DYNLT2: variants seen among roughly 807,000 people sequenced by gnomAD.
DYNLT2 encodes dynein light chain Tctex-type 2.
A neutral mutation model predicts 24.3 loss-of-function variants in DYNLT2; 24 were observed. The ratio of observed to expected loss-of-function variants is 0.99; its 90% confidence interval spans 0.71 to 1.39. DYNLT2 has a LOEUF of 1.39. Ranked by LOEUF, DYNLT2 falls within the 40% of genes most tolerant of loss-of-function variation. The pLI is 0.00. For missense variants in DYNLT2, 246 were observed against 234.5 expected, an observed-to-expected ratio of 1.05 and a Z score of -0.32; for synonymous variants, 85 against 85.4, an observed-to-expected ratio of 1.00 and a Z score of 0.03.
At chr6:169,743,998 G>T in intron 2 of DYNLT2, 70 bp downstream of exon 2, 1 of 1,432,438 alleles carries the variant, frequency 7.0e-7, no homozygotes, top group Non-Finnish European at 9.6e-7. Flanking sequence ...AAATTTCTTC[G>T]TATATATAAT....
chr6:169,751,350 C>A lies in DYNLT2; in HGVS notation c.109G>T (p.Glu37Ter). 7.4e-6 allele frequency: 12 copies of A among 1,613,922 alleles called. No individual in the cohort carries two copies. The highest frequency in any genetic ancestry group is 1.0e-5 in the Non-Finnish European group (12 of 1,179,940). Residue 37 changes from glutamate to a stop codon, truncating the protein, a stop_gained, in exon 1 of 4, where the codon GAG becomes TAG. Coordinates refer to ENST00000366774, the MANE Select transcript of DYNLT2 (RefSeq NM_174910.3). LOFTEE classifies it high-confidence loss of function. Reference sequence around the variant, plus strand: ...GTCTCCGCACTCACTGCCTCCTTCTCGAACATGCTAGGCCTCCTTTCTTTC... The same window carrying A: ...GTCTCCGCACTCACTGCCTCCTTCTAGAACATGCTAGGCCTCCTTTCTTTC... The part of the protein sequence containing the change: ...PRKERRPSMF[E>*]KEAYTQILRE...
the DYNLT2 span, chr6:169,725,634 T>G: frequency 2.7e-4 from 51 of 185,614 alleles, 1 homozygote; most frequent in Admixed American, 1.6e-3. Context: ...AGTTTAGCGG[T>G]TTTTTTTTTA....
At chr6:169,737,957 T>C (rs1251486280), downstream of DYNLT2, among the ~76,000 whole-genome samples, 2 of 152,082 alleles carry the variant, frequency 1.3e-5, no homozygotes, top group Non-Finnish European at 2.9e-5. Flanking sequence ...CCCCTCCCAC[T>C]AGGGTCTCAG....
chr6:169,744,120 A>G lies in DYNLT2; in HGVS notation c.275T>C (p.Leu92Ser). 6.2e-7 allele frequency: 1 copy of G among 1,613,116 alleles called. No individual in the cohort carries two copies. Among genetic ancestry groups the G allele is most frequent in the Non-Finnish European group, 8.5e-7 (1 of 1,179,982 alleles). ...TACTGAATGAGCTTGGAATTTCTTC[A>G]ATGGCTCCATTCTATATGAATTAGC... is the stretch of plus-strand genomic sequence containing the variant. ...KFANSYRMEP[L>S]KKFQAHSVET... Residue 92 changes from leucine to serine, a missense_variant, in exon 2 of 4, where the codon TTG (leucine) becomes TCG (serine). Leu to Ser is a moderately radical substitution (Grantham distance 145). Transcript: ENST00000366774.
downstream of DYNLT2, among the ~76,000 whole-genome samples, chr6:169,739,803 C>G (rs889993646): frequency 6.6e-6 from 1 of 152,120 alleles, no homozygotes; most frequent in African/African-American, 2.4e-5. Context: ...CAAAATCTAT[C>G]TTAACATCTA....
chr6:169,725,508 C>T, the DYNLT2 span: 1 of 395,618 alleles, frequency 2.5e-6, no homozygotes, highest in East Asian at 3.6e-5. Context: ...GCCAGACCAT[C>T]CGTTCTTGCC....
intron 1 of DYNLT2, among the ~76,000 whole-genome samples, chr6:169,745,231 T>C (rs1262752049): frequency 6.6e-6 from 1 of 152,120 alleles, no homozygotes; most frequent in African/African-American, 2.4e-5. Flanking sequence ...TAGCTGGGAC[T>C]ACAGGTGCAT....
At chr6:169,739,387 G>A (rs1789627941), downstream of DYNLT2, among the ~76,000 whole-genome samples, 3 of 152,060 alleles carry the variant, frequency 2.0e-5, no homozygotes, top group Non-Finnish European at 4.4e-5. Flanking sequence ...TTCAGAAAAG[G>A]TAGGCTCCAG....
At chr6:169,750,795 A>G (rs1256054863) in intron 1 of DYNLT2, 1 of 152,298 alleles carries the variant, frequency 6.6e-6, no homozygotes, top group South Asian at 2.1e-4. Flanking sequence ...GACCCTTTCC[A>G]TCAATATCAG....
intron 1 of DYNLT2, chr6:169,750,689 A>C (rs2128337454): frequency 6.6e-6 from 1 of 152,324 alleles, no homozygotes; most frequent in South Asian, 2.1e-4. Context: ...TTTTCTGTTA[A>C]AGTATCAATA....
At chr6:169,740,810 A>ATTT (rs35611898) in intron 3 of DYNLT2, among the ~76,000 whole-genome samples, 21 of 144,334 alleles carry the variant, frequency 1.5e-4, no homozygotes, top group African/African-American at 5.3e-4. Flanking sequence ...AATGGCCCCA[A>ATTT]TTTTTTTTTT....
the DYNLT2 span, among the ~76,000 whole-genome samples, chr6:169,732,427 G>T: frequency 0.1 from 15,867 of 151,854 alleles, 880 homozygotes; most frequent in African/African-American, 0.12. Context: ...CATCCTCTAA[G>T]TTCCCTCCCC....
chr6:169,738,494 A>G (rs1789606631), downstream of DYNLT2, among the ~76,000 whole-genome samples: 1 of 152,140 alleles, frequency 6.6e-6, no homozygotes, highest in South Asian at 2.1e-4. Flanking sequence ...CTGGCTGGGT[A>G]GCACTCTTAC....
downstream of DYNLT2, among the ~76,000 whole-genome samples, chr6:169,739,962 C>T (rs893601540): frequency 2.0e-5 from 3 of 152,070 alleles, no homozygotes; most frequent in Non-Finnish European, 4.4e-5. Flanking sequence ...CACATGCATA[C>T]ACCTTTTATA....
At chr6:169,725,361 T>C in the DYNLT2 span, 6 of 398,502 alleles carry the variant, frequency 1.5e-5, no homozygotes, top group Middle Eastern at 6.2e-4. Context: ...GGGATTATTC[T>C]AGCGCGTCAC....
At chr6:169,744,306 A>T in intron 1 of DYNLT2, 32 bp from the exon 2 acceptor site, 1 of 1,573,570 alleles carries the variant, frequency 6.4e-7, no homozygotes, top group South Asian at 1.1e-5. Flanking sequence ...GAAGAGAGAA[A>T]GGCAGAAAGA....
chr6:169,725,726 A>C, the DYNLT2 span: 1 of 157,480 alleles, frequency 6.4e-6, no homozygotes, highest in Non-Finnish European at 1.4e-5. Flanking sequence ...AGATTGTGAA[A>C]GCTGTCAGAG....
intron 1 of DYNLT2, among the ~76,000 whole-genome samples, chr6:169,745,867 G>A (rs145587955): frequency 1.3e-5 from 2 of 152,106 alleles, no homozygotes; most frequent in East Asian, 3.9e-4. Context: ...TTCCTTAAAT[G>A]CTTGGTAGAA....
chr6:169,749,092 G>GT (rs893265630), intron 1 of DYNLT2, among the ~76,000 whole-genome samples: 2 of 151,988 alleles, frequency 1.3e-5, no homozygotes, highest in East Asian at 1.9e-4. Flanking sequence ...ACATGCTAGT[G>GT]TTTAAGATTT....
Sources: gnomAD v4.1 joint callset for allele counts (sites outside exome capture counted in the v4.1 genomes callset) on GRCh38, gnomAD v4.1.1 for gene constraint, MANE v1.5 for transcripts, NCBI Gene and HGNC (gene_info 2026-07-23, HGNC 2026-07-21) for gene names.